CTNNA3: variants seen among roughly 807,000 people sequenced by gnomAD.
CTNNA3 encodes catenin alpha-3.
Under a neutral mutation model 95.7 loss-of-function variants are expected in CTNNA3, and 76 were observed. The observed-to-expected ratio is 0.79, with a 90% CI of 0.66 to 0.96. CTNNA3 has a LOEUF of 0.96. CTNNA3 is among the 40% of genes least tolerant of loss of function. The pLI is 0.00. For synonymous variants in CTNNA3, 431 were observed against 374.4 expected, an observed-to-expected ratio of 1.15 and a Z score of -1.74; for missense variants, 1,191 against 1,089.8, an observed-to-expected ratio of 1.09 and a Z score of -1.31.
At chr10:66,543,322 C>A (rs748247390) in intron 10 of CTNNA3, among the ~76,000 whole-genome samples, 9 of 152,028 alleles carry the variant, frequency 5.9e-5, no homozygotes, top group Non-Finnish European at 1.3e-4. Context: ...AAACTCCTGA[C>A]CTCGTGATCC....
rs1841333481 is a variant in CTNNA3, at chr10:67,558,362, C to G, written c.293-18693G>C. On this transcript the variant is annotated intron_variant, in intron 3 of 17. Coordinates refer to ENST00000433211, the MANE Select transcript of CTNNA3 (RefSeq NM_013266.4). ...TCATGTTTGACACCTCTTCCACCCA[C>G]CCCTTTTTCTCTCAGTTCTACCATG... Among the ~76,000 whole-genome samples, 2 of 152,206 alleles carry G rather than the reference C, an allele frequency of 1.3e-5. 1 individual carries two copies. The highest frequency in any genetic ancestry group is 4.1e-4 in the South Asian group (2 of 4,832).
intron 12 of CTNNA3, among the ~76,000 whole-genome samples, chr10:66,354,954 G>A (rs2092597545): frequency 6.6e-6 from 1 of 152,078 alleles, no homozygotes; most frequent in Non-Finnish European, 1.5e-5. Context: ...ACACTTATCA[G>A]TCTTAACTTG....
chr10:67,271,770 GC>G (rs1838989092), intron 5 of CTNNA3, among the ~76,000 whole-genome samples: 1 of 152,106 alleles, frequency 6.6e-6, no homozygotes, highest in Non-Finnish European at 1.5e-5. Context: ...AAGAATCCAA[GC>G]CCTAAAGTGT....
intron 10 of CTNNA3, among the ~76,000 whole-genome samples, chr10:66,556,007 G>A (rs2660025): frequency 1 from 151,501 of 152,206 alleles, 75,405 homozygotes; most frequent in Middle Eastern, 1. Context: ...AGGAATTCAC[G>A]TAACTCACAG....
intron 3 of CTNNA3, among the ~76,000 whole-genome samples, chr10:67,592,850 T>C (rs1386458419): frequency 6.6e-6 from 1 of 152,194 alleles, no homozygotes; most frequent in African/African-American, 2.4e-5. Context: ...CGGGGGTACA[T>C]GTGCAGATTT....
At chr10:67,539,716 GC>G (rs1439575062) in intron 3 of CTNNA3, 47 bp from the exon 4 acceptor site, 1 of 1,545,562 alleles carries the variant, frequency 6.5e-7, no homozygotes, top group African/African-American at 1.4e-5. Flanking sequence ...TTTCAACTAT[GC>G]CTATTTCAGG....
At chr10:67,584,079 T>G (rs1477729823) in intron 3 of CTNNA3, among the ~76,000 whole-genome samples, 14 of 152,218 alleles carry the variant, frequency 9.2e-5, no homozygotes, top group Non-Finnish European at 1.5e-5. Flanking sequence ...ATCAAAGTCA[T>G]TCTCCATCCA....
intron 13 of CTNNA3, among the ~76,000 whole-genome samples, chr10:66,196,949 G>A (rs1317106086): frequency 6.6e-6 from 1 of 152,182 alleles, no homozygotes; most frequent in Non-Finnish European, 1.5e-5. Flanking sequence ...CTCATGAATT[G>A]AACCTGGTAT....
chr10:67,750,506 A>T (rs1490754404), intron 1 of CTNNA3: 5 of 1,562,486 alleles, frequency 3.2e-6, no homozygotes, highest in Non-Finnish European at 4.4e-6. Flanking sequence ...GGACCTCTTC[A>T]TCATCAACAA....
intron 11 of CTNNA3, among the ~76,000 whole-genome samples, chr10:66,415,761 G>A (rs2132612197): frequency 6.6e-6 from 1 of 152,068 alleles, no homozygotes; most frequent in South Asian, 2.1e-4. Flanking sequence ...AAAAAATCAA[G>A]GGAGACTACA....
intron 5 of CTNNA3, among the ~76,000 whole-genome samples, chr10:67,484,208 A>T (rs922872786): frequency 7.2e-5 from 11 of 152,364 alleles, no homozygotes; most frequent in Admixed American, 5.9e-4. Flanking sequence ...GTTTACAAAA[A>T]CAAGCAATGG....
intron 5 of CTNNA3, among the ~76,000 whole-genome samples, chr10:67,422,322 T>C (rs190867381): frequency 4.0e-5 from 6 of 151,890 alleles, no homozygotes; most frequent in Non-Finnish European, 5.9e-5. Context: ...TATGTAAGGG[T>C]AAAGGGGCAG....
At chr10:67,642,822 C>G (rs1253443750) in intron 2 of CTNNA3, among the ~76,000 whole-genome samples, 1 of 152,054 alleles carries the variant, frequency 6.6e-6, no homozygotes, top group Non-Finnish European at 1.5e-5. Flanking sequence ...CAAAAAACAA[C>G]AGATGCTGAC....
At position 66,316,564 on chromosome 10, in the gene CTNNA3, C is replaced by G. The variant is rs774522348; in HGVS notation, c.1733-35943G>C. 3.9e-4 allele frequency among the ~76,000 whole-genome samples: 60 copies of G among 151,998 alleles called. 1 individual carries two copies. Among genetic ancestry groups the G allele is most frequent in the Non-Finnish European group, 7.2e-4 (49 of 67,956 alleles). On this transcript the variant is annotated intron_variant, in intron 12 of 17. Coordinates refer to ENST00000433211, the MANE Select transcript of CTNNA3 (RefSeq NM_013266.4). ...TACTAAACACACACCCACACTCACT[C>G]TGATTGGGACAATGTAGACAAGCCA...
chr10:66,791,372 A>G (rs1310511583), intron 7 of CTNNA3, among the ~76,000 whole-genome samples: 1 of 152,166 alleles, frequency 6.6e-6, no homozygotes, highest in Non-Finnish European at 1.5e-5. Context: ...ATAGTTAAAC[A>G]TGTCATTCCC....
At chr10:67,739,881 G>C (rs1841325259) in intron 1 of CTNNA3, among the ~76,000 whole-genome samples, 1 of 152,268 alleles carries the variant, frequency 6.6e-6, no homozygotes, top group East Asian at 1.9e-4. Flanking sequence ...CAAAGCTGGA[G>C]GCATCGTGCT....
At chr10:67,160,104 A>G (rs1861471324) in intron 7 of CTNNA3, among the ~76,000 whole-genome samples, 1 of 152,162 alleles carries the variant, frequency 6.6e-6, no homozygotes, top group South Asian at 2.1e-4. Flanking sequence ...ACAGATACTC[A>G]GAGTATATGA....
At chr10:67,679,656 T>G (rs1268531563) in intron 1 of CTNNA3, among the ~76,000 whole-genome samples, 3 of 152,226 alleles carry the variant, frequency 2.0e-5, no homozygotes, top group African/African-American at 7.2e-5. Flanking sequence ...TTAATTTTCT[T>G]CTCTTCCTTT....
At chr10:67,331,570 A>G (rs1841796670) in intron 5 of CTNNA3, among the ~76,000 whole-genome samples, 1 of 152,138 alleles carries the variant, frequency 6.6e-6, no homozygotes, top group Non-Finnish European at 1.5e-5. Flanking sequence ...TGGAACAGTG[A>G]CCTAGAAGGC....
Sources: allele counts gnomAD v4.1 joint callset (sites outside exome capture counted in the v4.1 genomes callset), GRCh38; gene constraint gnomAD v4.1.1; transcripts MANE v1.5; gene names NCBI Gene and HGNC (gene_info 2026-07-23, HGNC 2026-07-21).